Variants in CFAP52 observed in about 807,000 individuals in gnomAD.
CFAP52 encodes the protein cilia- and flagella-associated protein 52.
A neutral mutation model predicts 70.5 loss-of-function variants in CFAP52; 57 were observed. That is an observed-to-expected ratio of 0.81 (90% CI 0.65 to 1.01). CFAP52 has a LOEUF of 1.01. CFAP52 is among the 50% of genes least tolerant of loss of function. The pLI is 0.00. For synonymous variants in CFAP52, 267 were observed against 292.5 expected, an observed-to-expected ratio of 0.91 and a Z score of 0.89; for missense variants, 785 against 788.5, an observed-to-expected ratio of 1.00 and a Z score of 0.05.
chr17:9,638,508 C>T (rs1442331225), intron 11 of CFAP52, 101 bp from the exon 12 acceptor site: 1 of 1,125,384 alleles, frequency 8.9e-7, no homozygotes, highest in Non-Finnish European at 1.3e-6. Flanking sequence ...TGGAGATAAA[C>T]CAACCCAAAT....
At chr17:9,641,664 A>T (rs886312250) in intron 12 of CFAP52, 60 bp from the exon 13 acceptor site, 2 of 1,222,406 alleles carry the variant, frequency 1.6e-6, no homozygotes, top group Non-Finnish European at 1.2e-6. Flanking sequence ...TTTTGTTAGC[A>T]TGTGCATGGA....
At chr17:9,616,024 G>C (rs1909896289) in intron 8 of CFAP52, among the ~76,000 whole-genome samples, 1 of 151,234 alleles carries the variant, frequency 6.6e-6, no homozygotes, top group Non-Finnish European at 1.5e-5. Flanking sequence ...AACAGCTCCG[G>C]TCTACAGCTC....
At chr17:9,622,999 CCTT>C (rs1413301728) in intron 8 of CFAP52, among the ~76,000 whole-genome samples, 1 of 152,062 alleles carries the variant, frequency 6.6e-6, no homozygotes, top group Admixed American at 6.5e-5. Flanking sequence ...ATCTTCTTCT[CCTT>C]ATTGATTTTT....
Position 9,612,377 on chromosome 17 carries a change from G to A in CFAP52, c.923G>A (p.Gly308Glu). The change falls in exon 8 of 14, where the codon GGA (glycine) becomes GAA (glutamate). Residue 308 changes from glycine (G) to glutamate (E), a missense_variant. By Grantham distance (98) the Gly-to-Glu change is moderately conservative. Coordinates refer to ENST00000352665, the MANE Select transcript of CFAP52 (RefSeq NM_145054.5). ...LRGEGHQFLVGTEESHIYRVS... is the reference protein window; with the variant it reads ...LRGEGHQFLVETEESHIYRVS... ...GGAGAAGGACACCAGTTTCTCGTAG[G>A]AACAGAAGAATCGCACATTTATCGT... The A allele has an allele frequency of 6.2e-7, 1 of 1,614,164 alleles. No individual in the cohort carries two copies. The highest frequency in any genetic ancestry group is 8.5e-7 in the Non-Finnish European group (1 of 1,180,030).
Position 9,586,896 on chromosome 17 carries a change from G to A in CFAP52, c.407+62G>A. The A allele has an allele frequency of 7.3e-6, 11 of 1,498,198 alleles. No individual in the cohort carries two copies. In the South Asian group the frequency reaches 1.5e-4, roughly 21 times the overall value. The allele number at this position is 1,498,198 out of a possible 1,614,324, so 92.8% of individuals were successfully genotyped here. On this transcript the variant is annotated intron_variant, in intron 3 of 13. Transcript: ENST00000352665. Reference sequence around the variant, plus strand: ...TTTTTTAACTTTTATTTCAGGTTCAGACGTACATGTGCAGGTTTGTTATAT... The same window carrying A: ...TTTTTTAACTTTTATTTCAGGTTCAAACGTACATGTGCAGGTTTGTTATAT...
intron 9 of CFAP52, among the ~76,000 whole-genome samples, chr17:9,631,417 G>A (rs899786030): frequency 2.0e-5 from 3 of 152,128 alleles, no homozygotes; most frequent in Non-Finnish European, 2.9e-5. Context: ...GCTGAAATGG[G>A]ATCTACCTTT....
intron 4 of CFAP52, 98 bp from the exon 5 acceptor site, chr17:9,598,135 CA>C (rs1236417179): frequency 3.3e-5 from 31 of 937,724 alleles, no homozygotes; most frequent in Non-Finnish European, 4.6e-5. Flanking sequence ...AACGAAGCCT[CA>C]AAAATGTTTA....
At chr17:9,579,048 G>A (rs960002515) in intron 1 of CFAP52, among the ~76,000 whole-genome samples, 1 of 152,170 alleles carries the variant, frequency 6.6e-6, no homozygotes, top group African/African-American at 2.4e-5. Flanking sequence ...TGTTTTGGGG[G>A]TCCCTTTGTC....
intron 11 of CFAP52, among the ~76,000 whole-genome samples, chr17:9,636,389 C>T (rs1012109088): frequency 3.3e-5 from 5 of 152,074 alleles, no homozygotes; most frequent in Non-Finnish European, 7.4e-5. Context: ...GCTGCATTCC[C>T]GGGGACCTCT....
intron 12 of CFAP52, among the ~76,000 whole-genome samples, chr17:9,640,441 C>T (rs1021593369): frequency 1.3e-5 from 2 of 150,222 alleles, no homozygotes; most frequent in African/African-American, 2.5e-5. Context: ...TGTTTCCCCA[C>T]GTGTCCATCT....
At chr17:9,604,749 CAAAA>C (rs1432116001) in intron 6 of CFAP52, among the ~76,000 whole-genome samples, 6 of 120,232 alleles carry the variant, frequency 5.0e-5, no homozygotes, top group Admixed American at 2.0e-4. Flanking sequence ...GACTCTGTCT[CAAAA>C]TAAATAAATA....
chr17:9,590,254 C>A, intron 3 of CFAP52: 1 of 190,162 alleles, frequency 5.3e-6, no homozygotes, highest in South Asian at 1.2e-4. Flanking sequence ...TTACCTATGC[C>A]CATGTGCCTG....
At chr17:9,592,591 C>T (rs1908813497) in intron 3 of CFAP52, among the ~76,000 whole-genome samples, 1 of 152,262 alleles carries the variant, frequency 6.6e-6, no homozygotes, top group Non-Finnish European at 1.5e-5. Flanking sequence ...TATTCTAAAA[C>T]ATTTCTCATA....
At chr17:9,594,059 GGGTA>G in intron 3 of CFAP52, 130 bp from the exon 4 acceptor site, 5 of 1,276,750 alleles carry the variant, frequency 3.9e-6, no homozygotes, top group Admixed American at 2.9e-5. Context: ...GTCAGGGGTG[GGGTA>G]ATTTTGTTGT....
At chr17:9,613,602 C>T (rs1909792208) in intron 8 of CFAP52, among the ~76,000 whole-genome samples, 1 of 152,096 alleles carries the variant, frequency 6.6e-6, no homozygotes, top group Non-Finnish European at 1.5e-5. Flanking sequence ...ACTGCAACCT[C>T]TGCCTCCTCG....
intron 2 of CFAP52, 37 bp downstream of exon 2, chr17:9,586,009 T>C (rs1273257121): frequency 6.2e-7 from 1 of 1,604,876 alleles, no homozygotes; most frequent in Non-Finnish European, 8.5e-7. Context: ...TCAATTTATC[T>C]AGAGGTGCCT....
At chr17:9,592,807 A>C (rs566220630) in intron 3 of CFAP52, among the ~76,000 whole-genome samples, 1 of 152,338 alleles carries the variant, frequency 6.6e-6, no homozygotes, top group East Asian at 1.9e-4. Context: ...ATTATTAATA[A>C]TGGCGCTATG....
intron 8 of CFAP52, among the ~76,000 whole-genome samples, chr17:9,615,892 G>A (rs963560365): frequency 7.3e-6 from 1 of 136,928 alleles, no homozygotes; most frequent in Non-Finnish European, 1.5e-5. Context: ...TTCCTACCTC[G>A]GCCTCCCAGA....
At chr17:9,594,895 T>TTC (rs1365987860) in intron 4 of CFAP52, among the ~76,000 whole-genome samples, 1 of 96,220 alleles carries the variant, frequency 1.0e-5, no homozygotes, top group Non-Finnish European at 2.2e-5. Context: ...TAGGGAGGGT[T>TTC]TTTTTTTTTT....
Sources: gnomAD v4.1 joint callset for allele counts (sites outside exome capture counted in the v4.1 genomes callset) on GRCh38, gnomAD v4.1.1 for gene constraint, MANE v1.5 for transcripts, NCBI Gene and HGNC (gene_info 2026-07-23, HGNC 2026-07-21) for gene names.